Variants in ANO5 observed in about 807,000 individuals in gnomAD.
The protein encoded by ANO5 is anoctamin-5.
ANO5 carries 109 observed loss-of-function variants against 121.0 expected under a neutral mutation model. The observed-to-expected ratio is 0.90, with a 90% CI of 0.77 to 1.06. The LOEUF is 1.06. ANO5 is among the 50% of genes least tolerant of loss of function. ANO5 has a pLI of 0.00. For synonymous variants in ANO5, 406 were observed against 359.9 expected (o/e 1.13, Z -1.45); for missense variants, 1,064 against 1,078.5 (o/e 0.99, Z 0.19).
rs1023563821 is a variant in ANO5, at chr11:22,259,681, A to G, written c.1570A>G (p.Ile524Val). The G allele has an allele frequency of 3.1e-6, 5 of 1,613,908 alleles. No individual in the cohort carries two copies. In the African/African-American group the frequency reaches 6.7e-5, roughly 22 times the overall value. Residue 524 changes from isoleucine (I) to valine (V), a missense_variant, in exon 15 of 22, where the codon ATT becomes GTT. Ile to Val is a conservative substitution (Grantham distance 29). Transcript: ENST00000324559. ...TSLTGSCLNFIVILILNFFYE... is the reference protein window; with the variant it reads ...TSLTGSCLNFVVILILNFFYE... Reference sequence around the variant, plus strand: ...ACTCACAGGATCATGCTTGAACTTTATTGTCATCTTGATCTTGAATTTCTT... The same window carrying G: ...ACTCACAGGATCATGCTTGAACTTTGTTGTCATCTTGATCTTGAATTTCTT...
intron 7 of ANO5, among the ~76,000 whole-genome samples, chr11:22,230,296 T>C (rs1852997648): frequency 6.6e-6 from 1 of 152,016 alleles, no homozygotes; most frequent in South Asian, 2.1e-4. Flanking sequence ...CTAATCATTT[T>C]AGTTACAATG....
intron 16 of ANO5, 107 bp downstream of exon 16, chr11:22,262,405 C>G: frequency 8.6e-7 from 1 of 1,160,500 alleles, no homozygotes; most frequent in Non-Finnish European, 1.2e-6. Context: ...CAAAATATAT[C>G]TAGGCACTGA....
rs1554924356 is a variant in ANO5, at chr11:22,227,350, G to T, written c.412G>T (p.Glu138Ter). ...TTTTGTCAAGATCCATGCCCCTTGGGAGGTATTAGTTACCTATGCTGAAGT... is the reference window on the plus strand; with the variant it reads ...TTTTGTCAAGATCCATGCCCCTTGGTAGGTATTAGTTACCTATGCTGAAGT... The part of the protein sequence containing the change: ...TYFVKIHAPW[E>*]VLVTYAEVLG... The change falls in exon 7 of 22, where the codon GAG becomes TAG. Residue 138 changes from glutamate to a stop codon, truncating the protein, a stop_gained. Transcript: ENST00000324559. LOFTEE classifies it high-confidence loss of function. 1 of 1,613,374 alleles carries T rather than the reference G, an allele frequency of 6.2e-7. No homozygotes were observed. The highest frequency in any genetic ancestry group is 8.5e-7 in the Non-Finnish European group (1 of 1,179,710).
At chr11:22,271,029 G>A (rs1463693402) in intron 18 of ANO5, among the ~76,000 whole-genome samples, 1 of 152,108 alleles carries the variant, frequency 6.6e-6, no homozygotes, top group African/African-American at 2.4e-5. Flanking sequence ...TTTCCCTCAA[G>A]CAACTTTCTC....
chr11:22,271,666 ATTAAT>A (rs1157854322), intron 18 of ANO5, among the ~76,000 whole-genome samples: 1 of 138,532 alleles, frequency 7.2e-6, no homozygotes, highest in Admixed American at 6.7e-5. Flanking sequence ...TTAAGACATA[ATTAAT>A]TTATTCTGAA....
At chr11:22,250,189 C>A in intron 9 of ANO5, 48 bp from the exon 10 acceptor site, 2 of 1,510,880 alleles carry the variant, frequency 1.3e-6, no homozygotes, top group Non-Finnish European at 1.8e-6. Context: ...AGGCTCCAGA[C>A]TATAACATTC....
At chr11:22,269,093 GAAGC>G (rs1854478770) in intron 17 of ANO5, among the ~76,000 whole-genome samples, 1 of 150,294 alleles carries the variant, frequency 6.7e-6, no homozygotes. Flanking sequence ...AGGACGGAAG[GAAGC>G]AAGGAAGGAA....
chr11:22,196,543 A>C (rs1001421579), intron 1 of ANO5, among the ~76,000 whole-genome samples: 5 of 150,260 alleles, frequency 3.3e-5, no homozygotes, highest in Non-Finnish European at 5.9e-5. Context: ...GATTTTTAGA[A>C]CTCTGCTTCC....
chr11:22,203,950 T>C (rs912172167), intron 2 of ANO5, 100 bp downstream of exon 2: 2 of 725,514 alleles, frequency 2.8e-6, no homozygotes, highest in African/African-American at 3.6e-5. Context: ...TAATACATTC[T>C]ATTATGCCCT....
intron 7 of ANO5, among the ~76,000 whole-genome samples, chr11:22,230,018 T>C (rs1323132159): frequency 1.3e-5 from 2 of 151,970 alleles, no homozygotes; most frequent in African/African-American, 4.8e-5. Context: ...TCACAATATA[T>C]AGTAAATAAT....
Position 22,266,432 on chromosome 11 carries a change from AC to A in ANO5, c.1898+3390del, listed in dbSNP as rs1332937340. Among the ~76,000 whole-genome samples the A allele has an allele frequency of 1.1e-4, 16 of 152,296 alleles. No homozygotes were observed. In the South Asian group the frequency reaches 2.9e-3, roughly 28 times the overall value. ...ATGTTCCTCTTAATCCACATTTGCT[AC>A]AGTACTTCATATTGTCTTATTAATT... On this transcript the variant is annotated intron_variant, in intron 17 of 21. Transcript: ENST00000324559.
chr11:22,250,424 A>T (rs1853771689), intron 10 of ANO5, 53 bp downstream of exon 10: 3 of 1,604,404 alleles, frequency 1.9e-6, no homozygotes, highest in Non-Finnish European at 2.6e-6. Flanking sequence ...CTTGTGCCAA[A>T]TGAAGTTGTT....
chr11:22,257,878 CT>C (rs1168182686), intron 14 of ANO5, 124 bp downstream of exon 14: 1 of 788,418 alleles, frequency 1.3e-6, no homozygotes, highest in Non-Finnish European at 2.1e-6. Context: ...GTCTTTTTAT[CT>C]TGGTTATAGC....
chr11:22,243,540 A>T lies in ANO5; in HGVS notation c.878+3856A>T, dbSNP rs561891883. On this transcript the variant is annotated intron_variant, in intron 9 of 21. Coordinates refer to ENST00000324559, the MANE Select transcript of ANO5 (RefSeq NM_213599.3). ...TCTGCTAGTATTTGGGTGTGAATTC[A>T]TCTGGTCTAGGGCATTTTTTGATTG... Among the ~76,000 whole-genome samples, 307 of 152,084 alleles carry T rather than the reference A, an allele frequency of 2.0e-3. 1 individual carries two copies. The highest frequency in any genetic ancestry group is 6.9e-3 in the African/African-American group (285 of 41,540).
Position 22,262,215 on chromosome 11 carries a change from T to A in ANO5, c.1717T>A (p.Phe573Ile). 1 of 1,613,966 alleles carries A rather than the reference T, an allele frequency of 6.2e-7. No homozygotes were observed. Among genetic ancestry groups the A allele is most frequent in the Non-Finnish European group, 8.5e-7 (1 of 1,179,920 alleles). ...FQFVNFYSSC[F>I]YVAFFKGKFV... ...GTTTGTAAATTTTTACTCATCCTGC[T>A]TCTACGTAGCTTTCTTTAAAGGGAA... The change falls in exon 16 of 22, where the codon TTC becomes ATC. Residue 573 changes from phenylalanine to isoleucine, a missense_variant. Physicochemically the swap from Phe to Ile is conservative, Grantham distance 21. Transcript: ENST00000324559.
intron 16 of ANO5, among the ~76,000 whole-genome samples, 163 bp from the exon 17 acceptor site, chr11:22,262,783 A>C (rs889105930): frequency 1.3e-5 from 2 of 152,214 alleles, no homozygotes; most frequent in African/African-American, 4.8e-5. Context: ...CTAGCCTGGC[A>C]CTGGTCTGTG....
At chr11:22,199,029 T>C (rs943061637) in intron 1 of ANO5, among the ~76,000 whole-genome samples, 4 of 152,202 alleles carry the variant, frequency 2.6e-5, no homozygotes, top group South Asian at 2.1e-4. Context: ...TTGTATCTTT[T>C]ACATGAGAAA....
At chr11:22,223,342 G>A (rs1048173490) in intron 5 of ANO5, among the ~76,000 whole-genome samples, 1 of 152,054 alleles carries the variant, frequency 6.6e-6, no homozygotes, top group African/African-American at 2.4e-5. Context: ...TTCCCTCTCA[G>A]TAGAATCACA....
intron 12 of ANO5, among the ~76,000 whole-genome samples, chr11:22,251,809 G>A (rs1047012434): frequency 1.3e-5 from 2 of 151,484 alleles, no homozygotes; most frequent in Non-Finnish European, 2.9e-5. Flanking sequence ...GGCAGATCAC[G>A]AGGTCAGGAG....
Sources: gnomAD v4.1 joint callset for allele counts (sites outside exome capture counted in the v4.1 genomes callset) on GRCh38, gnomAD v4.1.1 for gene constraint, MANE v1.5 for transcripts, NCBI Gene and HGNC (gene_info 2026-07-23, HGNC 2026-07-21) for gene names.